SLC8A1: variants seen among roughly 807,000 people sequenced by gnomAD.
The protein encoded by SLC8A1 is solute carrier family 8 member A1.
In SLC8A1, 18 loss-of-function variants were observed where a neutral mutation model predicts 68.3. The observed-to-expected ratio is 0.26, with a 90% CI of 0.18 to 0.39. The LOEUF is 0.39. SLC8A1 is among the 10% of genes least tolerant of loss of function. The probability of loss-of-function intolerance (pLI) is 1.00; values close to 1 mark genes in which losing one functional copy is unlikely to be tolerated. For missense variants in SLC8A1, 985 were observed against 1,156.7 expected (o/e 0.85, Z 2.15); for synonymous variants, 475 against 415.5 (o/e 1.14, Z -1.74).
intron 2 of SLC8A1, among the ~76,000 whole-genome samples, chr2:40,288,863 GA>G (rs1476792529): frequency 1.8e-5 from 2 of 113,172 alleles, no homozygotes; most frequent in Non-Finnish European, 3.2e-5. Flanking sequence ...GTATATATAT[GA>G]TTTTTTTTTT....
chr2:40,285,443 G>T (rs1258888251), intron 2 of SLC8A1, among the ~76,000 whole-genome samples: 1 of 152,066 alleles, frequency 6.6e-6, no homozygotes, highest in South Asian at 2.1e-4. Flanking sequence ...TGTTTGTCTG[G>T]TTCTTTCACA....
At chr2:40,461,819 G>A (rs187242554) in intron 1 of SLC8A1, among the ~76,000 whole-genome samples, 55 of 152,076 alleles carry the variant, frequency 3.6e-4, no homozygotes, top group Admixed American at 2.1e-3. Context: ...GATTTTTCAT[G>A]TGTATTTTTG....
At chr2:40,281,486 G>T (rs1446338761) in intron 2 of SLC8A1, among the ~76,000 whole-genome samples, 1 of 152,180 alleles carries the variant, frequency 6.6e-6, no homozygotes, top group Non-Finnish European at 1.5e-5. Context: ...CTACAAAGTG[G>T]CAAGTTAAAT....
chr2:40,436,592 G>A (rs1256249407), intron 1 of SLC8A1, among the ~76,000 whole-genome samples: 1 of 152,060 alleles, frequency 6.6e-6, no homozygotes, highest in East Asian at 1.9e-4. Context: ...GCTCTGTTAA[G>A]AGGGCCCTAA....
At chr2:40,197,888 G>GAGT (rs1260261421) in intron 2 of SLC8A1, among the ~76,000 whole-genome samples, 46 of 151,956 alleles carry the variant, frequency 3.0e-4, no homozygotes, top group Middle Eastern at 3.4e-3. Context: ...CAAAGCTCCA[G>GAGT]GGAAGAATGA....
intron 2 of SLC8A1, among the ~76,000 whole-genome samples, chr2:40,316,689 C>T (rs555821361): frequency 6.6e-6 from 1 of 152,076 alleles, no homozygotes; most frequent in African/African-American, 2.4e-5. Flanking sequence ...TTTCTCAGAT[C>T]TTCTCTGAGC....
At chr2:40,127,561 A>G (rs757822417) in intron 7 of SLC8A1, among the ~76,000 whole-genome samples, 2 of 152,180 alleles carry the variant, frequency 1.3e-5, no homozygotes, top group Admixed American at 6.5e-5. Flanking sequence ...TTTTGCGACT[A>G]TAACTCAGGA....
intron 2 of SLC8A1, among the ~76,000 whole-genome samples, chr2:40,359,423 G>A (rs1673835425): frequency 6.6e-6 from 1 of 152,134 alleles, no homozygotes; most frequent in Non-Finnish European, 1.5e-5. Flanking sequence ...AGCCTTTTAA[G>A]TGTGAAAAAG....
intron 1 of SLC8A1, among the ~76,000 whole-genome samples, chr2:40,490,451 T>C (rs1705239112): frequency 6.6e-6 from 1 of 152,192 alleles, no homozygotes; most frequent in Non-Finnish European, 1.5e-5. Flanking sequence ...AAACTATGTT[T>C]GTTTGTATAA....
intron 7 of SLC8A1, among the ~76,000 whole-genome samples, chr2:40,125,972 T>A (rs2038001046): frequency 6.6e-6 from 1 of 152,192 alleles, no homozygotes; most frequent in Admixed American, 6.5e-5. Context: ...CTGCTGTGCC[T>A]GACAATTCTG....
In SLC8A1 at chr2:40,400,497, C is replaced by T. The variant is rs149058561; in HGVS notation, c.1808+27976G>A. On this transcript the variant is annotated intron_variant, in intron 2 of 7. Transcript: ENST00000406785. The stretch of plus-strand genomic sequence containing the variant: ...TATTTCAAATCAAACCATGCATTCA[C>T]TAGACTCTTCTTTTCTAATCTTTTG... Among the ~76,000 whole-genome samples, 10 of 152,318 alleles carry T rather than the reference C, an allele frequency of 6.6e-5. No homozygotes were observed. The East Asian group carries it at 1.9e-3, about 29-fold the overall frequency.
chr2:40,457,651 C>A (rs1288888114), intron 1 of SLC8A1, among the ~76,000 whole-genome samples: 3 of 152,158 alleles, frequency 2.0e-5, no homozygotes, highest in Non-Finnish European at 4.4e-5. Flanking sequence ...CCTAAAGAAT[C>A]CTTAGTAATC....
intron 2 of SLC8A1, among the ~76,000 whole-genome samples, chr2:40,274,514 G>A (rs1337666873): frequency 6.6e-6 from 1 of 152,060 alleles, no homozygotes; most frequent in Non-Finnish European, 1.5e-5. Context: ...GGATCTGCCT[G>A]TGTACACTTA....
At chr2:40,385,628 G>A (rs1482156326) in intron 2 of SLC8A1, among the ~76,000 whole-genome samples, 1 of 151,260 alleles carries the variant, frequency 6.6e-6, no homozygotes, top group East Asian at 1.9e-4. Flanking sequence ...TTGGCAGGCT[G>A]AAGCCAAGGA....
At chr2:40,200,222 T>TATATATATATAAATATATATA (rs1558722368) in intron 2 of SLC8A1, among the ~76,000 whole-genome samples, 9 of 5,164 alleles carry the variant, frequency 1.7e-3, no homozygotes, top group African/African-American at 4.2e-3. Flanking sequence ...ATATATATTT[T>TATATATATATAAATATATATA]TTTATATATA....
intron 4 of SLC8A1, 106 bp from the exon 8 acceptor site, chr2:40,165,090 A>T (rs1348258223): frequency 2.1e-6 from 3 of 1,414,096 alleles, no homozygotes; most frequent in South Asian, 2.5e-5. Flanking sequence ...CTAATGACCT[A>T]CTAAAGCCCC....
At chr2:40,394,841 T>C (rs1423149240) in intron 2 of SLC8A1, among the ~76,000 whole-genome samples, 1 of 152,120 alleles carries the variant, frequency 6.6e-6, no homozygotes, top group Non-Finnish European at 1.5e-5. Context: ...ACAGAAGTTG[T>C]CATTTGTGCA....
At chr2:40,213,986 A>G (rs1451131303) in intron 2 of SLC8A1, among the ~76,000 whole-genome samples, 1 of 152,198 alleles carries the variant, frequency 6.6e-6, no homozygotes, top group Non-Finnish European at 1.5e-5. Context: ...GCCACAGATG[A>G]TCACAGATAT....
chr2:40,368,029 G>A (rs1676819392), intron 2 of SLC8A1, among the ~76,000 whole-genome samples: 1 of 151,990 alleles, frequency 6.6e-6, no homozygotes, highest in African/African-American at 2.4e-5. Context: ...ACAACATGTT[G>A]AATTTTTAAT....
Sources: gnomAD v4.1 joint callset for allele counts (sites outside exome capture counted in the v4.1 genomes callset) on GRCh38, gnomAD v4.1.1 for gene constraint, MANE v1.5 for transcripts, NCBI Gene and HGNC (gene_info 2026-07-23, HGNC 2026-07-21) for gene names.